Variants in LINGO1 observed in about 807,000 individuals in gnomAD.
LINGO1 encodes leucine-rich repeat and immunoglobulin-like domain-containing nogo receptor-interacting protein 1.
LINGO1 carries 11 observed loss-of-function variants against 37.3 expected under a neutral mutation model. The observed-to-expected ratio is 0.29, with a 90% CI of 0.19 to 0.49. The LOEUF (loss-of-function observed/expected upper bound fraction) is 0.49, where lower values mean the gene tolerates loss of function less well. LINGO1 is among the 20% of genes least tolerant of loss of function. The probability of loss-of-function intolerance (pLI) is 0.99; values close to 1 mark genes in which losing one functional copy is unlikely to be tolerated. For missense variants in LINGO1, 585 were observed against 878.2 expected, an observed-to-expected ratio of 0.67 and a Z score of 4.22; for synonymous variants, 387 against 403.0, an observed-to-expected ratio of 0.96 and a Z score of 0.48.
intron 1 of LINGO1, among the ~76,000 whole-genome samples, chr15:77,786,043 G>A (rs1207638045): frequency 6.6e-6 from 1 of 152,168 alleles, no homozygotes; most frequent in African/African-American, 2.4e-5. Context: ...TGTCCATTGT[G>A]CATATGGGAG....
intron 1 of LINGO1, among the ~76,000 whole-genome samples, chr15:77,810,661 A>G (rs1177138496): frequency 6.6e-6 from 1 of 152,212 alleles, no homozygotes; most frequent in African/African-American, 2.4e-5. Flanking sequence ...TCTGGAACCT[A>G]GAGGAGGAAT....
rs757052224 is a variant in LINGO1, at chr15:77,801,467, C to T, written c.-457-5414G>A. Among the ~76,000 whole-genome samples the T allele has an allele frequency of 2.6e-4, 39 of 152,284 alleles. 2 individuals carry two copies. Among genetic ancestry groups the T allele is most frequent in the African/African-American group, 7.9e-4 (33 of 41,548 alleles). ...TGCCCCAAAAGGCTGGAGGACAGCA[C>T]GCCAAGCTTTACAGCAATCACCTCC... On this transcript the variant is annotated intron_variant, in intron 1 of 5. Transcript: ENST00000562933.
intron 3 of LINGO1, among the ~76,000 whole-genome samples, chr15:77,658,037 G>A (rs561487498): frequency 9.9e-5 from 15 of 152,164 alleles, no homozygotes; most frequent in African/African-American, 2.6e-4. Flanking sequence ...CTTGGCAGTC[G>A]GCACCATCAC....
chr15:77,811,124 G>A (rs1364355814), intron 1 of LINGO1, among the ~76,000 whole-genome samples: 1 of 141,458 alleles, frequency 7.1e-6, no homozygotes, highest in East Asian at 2.3e-4. Flanking sequence ...CTCCTGCCAG[G>A]CCAGCCTTCC....
chr15:77,618,766 A>ATTTTT (rs1191170253), intron 1 of LINGO1, among the ~76,000 whole-genome samples: 2 of 16 alleles, frequency 0.12, 1 homozygote, highest in Non-Finnish European at 0.33. Context: ...ATTTTTTTGT[A>ATTTTT]TTTTTTTTTT....
chr15:77,694,207 C>T (rs1029558367), intron 1 of LINGO1, among the ~76,000 whole-genome samples: 1 of 152,114 alleles, frequency 6.6e-6, no homozygotes, highest in Admixed American at 6.5e-5. Flanking sequence ...GGCAAGGTAA[C>T]GTCCAGCATA....
At chr15:77,761,073 C>T (rs553127073) in intron 1 of LINGO1, among the ~76,000 whole-genome samples, 15 of 151,012 alleles carry the variant, frequency 9.9e-5, no homozygotes, top group African/African-American at 3.4e-4. Flanking sequence ...ACTACAGGTG[C>T]GTGCCACCAT....
intron 2 of LINGO1, among the ~76,000 whole-genome samples, chr15:77,689,422 C>T (rs966502609): frequency 5.3e-5 from 8 of 152,186 alleles, no homozygotes; most frequent in African/African-American, 9.7e-5. Context: ...ATGGCCGGTG[C>T]GCTACCCTGT....
intron 2 of LINGO1, among the ~76,000 whole-genome samples, chr15:77,719,480 A>G (rs962812621): frequency 3.3e-5 from 5 of 149,914 alleles, no homozygotes; most frequent in African/African-American, 1.2e-4. Context: ...CTCCCAGGTC[A>G]GGCTGGCATG....
rs752142969 is a variant in LINGO1 at position 77,643,374 on chromosome 15, G to A, written c.-12-27474C>T. ...GGCAAACCTCAGGGTAGGGAGGTCC[G>A]CAGTGGGAAGGGCCCTCTCCCCTCC... On this transcript the variant is annotated intron_variant, in intron 3 of 3. Transcript: ENST00000559893. 7.2e-5 allele frequency among the ~76,000 whole-genome samples: 11 copies of A among 152,280 alleles called. No individual in the cohort carries two copies. The East Asian group carries it at 1.2e-3, about 16-fold the overall frequency.
intron 2 of LINGO1, among the ~76,000 whole-genome samples, chr15:77,701,740 G>A (rs2075786112): frequency 6.6e-6 from 1 of 152,280 alleles, no homozygotes; most frequent in South Asian, 2.1e-4. Context: ...CTCTTGTCAT[G>A]CGATGCCAGC....
chr15:77,806,327 T>C (rs2076959397), intron 1 of LINGO1, among the ~76,000 whole-genome samples: 1 of 150,590 alleles, frequency 6.6e-6, no homozygotes, highest in African/African-American at 2.5e-5. Flanking sequence ...TCATTAATGG[T>C]TTTGAAAAGC....
At chr15:77,685,140 G>T (rs1280266970) in intron 2 of LINGO1, among the ~76,000 whole-genome samples, 1 of 150,452 alleles carries the variant, frequency 6.6e-6, no homozygotes, top group Non-Finnish European at 1.5e-5. Flanking sequence ...GGAGCAAGGT[G>T]GGAAGCTGCA....
At chr15:77,758,317 G>A (rs1461290388) in intron 1 of LINGO1, among the ~76,000 whole-genome samples, 1 of 152,164 alleles carries the variant, frequency 6.6e-6, no homozygotes, top group Non-Finnish European at 1.5e-5. Flanking sequence ...TTGAGAGTCC[G>A]GCTTCACCCC....
At chr15:77,763,965 C>T (rs895083443) in intron 1 of LINGO1, among the ~76,000 whole-genome samples, 5 of 152,220 alleles carry the variant, frequency 3.3e-5, no homozygotes, top group Non-Finnish European at 7.3e-5. Flanking sequence ...CCAGACACCT[C>T]GGCTGGAGCT....
chr15:77,721,078 C>A (rs11636173), intron 2 of LINGO1, among the ~76,000 whole-genome samples: 23,832 of 152,058 alleles, frequency 0.16, 2,354 homozygotes, highest in Admixed American at 0.3. Context: ...TTCACCCCTA[C>A]CCACTCCCCA....
chr15:77,794,985 G>A (rs1033299121), intron 2 of LINGO1, among the ~76,000 whole-genome samples: 2 of 152,054 alleles, frequency 1.3e-5, no homozygotes, highest in East Asian at 3.9e-4. Context: ...ACATACAACC[G>A]TCACCCTATC....
At chr15:77,811,114 C>T (rs1474904446) in intron 1 of LINGO1, among the ~76,000 whole-genome samples, 1 of 151,650 alleles carries the variant, frequency 6.6e-6, no homozygotes. Context: ...ATCCCAACCC[C>T]TCCTGCCAGG....
intron 1 of LINGO1, among the ~76,000 whole-genome samples, chr15:77,805,752 T>C (rs11631685): frequency 0.66 from 100,836 of 152,088 alleles, 35,630 homozygotes; most frequent in Non-Finnish European, 0.77. Context: ...CGGGCCCCTG[T>C]AGGCTCCAAG....
Sources: allele counts gnomAD v4.1 joint callset (sites outside exome capture counted in the v4.1 genomes callset), GRCh38; gene constraint gnomAD v4.1.1; transcripts MANE v1.5; gene names NCBI Gene and HGNC (gene_info 2026-07-23, HGNC 2026-07-21).